NOX4: variants seen among roughly 807,000 people sequenced by gnomAD.
NOX4 encodes the protein NADPH oxidase 4, also known as kidney oxidase-1.
NOX4 carries 69 observed loss-of-function variants against 87.6 expected under a neutral mutation model. The observed-to-expected ratio is 0.79, with a 90% CI of 0.65 to 0.96. NOX4 has a LOEUF of 0.96. NOX4 is among the 40% of genes least tolerant of loss of function. The pLI, the probability that NOX4 is intolerant of heterozygous loss-of-function variation, is 0.00. For missense variants in NOX4, 680 were observed against 681.5 expected (o/e 1.00, Z 0.02); for synonymous variants, 275 against 238.2 (o/e 1.15, Z -1.42).
the NOX4 span, chr11:89,548,426 A>G: frequency 1.3e-5 from 2 of 152,190 alleles, no homozygotes; most frequent in Non-Finnish European, 2.9e-5. Flanking sequence ...GTGAGAAATA[A>G]ATTTCTATCA....
the NOX4 span, among the ~76,000 whole-genome samples, chr11:89,568,572 G>A: frequency 2.1e-4 from 32 of 152,158 alleles, no homozygotes; most frequent in African/African-American, 7.7e-4. Context: ...GTCATCTGTA[G>A]GAAGAATCAA....
At chr11:89,587,808 G>A in the NOX4 span, among the ~76,000 whole-genome samples, 1 of 151,950 alleles carries the variant, frequency 6.6e-6, no homozygotes, top group Non-Finnish European at 1.5e-5. Flanking sequence ...TTTGTTTTTA[G>A]AATGTTTTTG....
chr11:89,452,718 A>AT (rs1945019606), intron 2 of NOX4, among the ~76,000 whole-genome samples: 1 of 151,978 alleles, frequency 6.6e-6, no homozygotes, highest in Non-Finnish European at 1.5e-5. Context: ...ATTTATATTT[A>AT]TTTTTTAATT....
chr11:89,370,977 T>G (rs1287175025), intron 12 of NOX4, among the ~76,000 whole-genome samples: 1 of 152,070 alleles, frequency 6.6e-6, no homozygotes, highest in African/African-American at 2.4e-5. Context: ...AAAAGTCATA[T>G]TAAATATCTC....
chr11:89,488,674 C>T (rs560089729), intron 2 of NOX4, among the ~76,000 whole-genome samples: 23 of 151,968 alleles, frequency 1.5e-4, no homozygotes, highest in Non-Finnish European at 2.2e-4. Flanking sequence ...ATACAAATAC[C>T]TCGTGATCCA....
At chr11:89,337,828 C>T (rs573006705) in intron 15 of NOX4, among the ~76,000 whole-genome samples, 48 of 152,108 alleles carry the variant, frequency 3.2e-4, no homozygotes, top group African/African-American at 9.6e-4. Flanking sequence ...CTGAAATACT[C>T]CTTATTTTAT....
chr11:89,363,271 T>C (rs1174185164), intron 12 of NOX4, among the ~76,000 whole-genome samples: 2 of 152,088 alleles, frequency 1.3e-5, no homozygotes, highest in Admixed American at 1.3e-4. Context: ...ATTTTTGCTC[T>C]GTTACATATA....
chr11:89,537,836 C>T, the NOX4 span, among the ~76,000 whole-genome samples: 3 of 152,096 alleles, frequency 2.0e-5, no homozygotes, highest in Admixed American at 6.6e-5. Flanking sequence ...CAAGCACATA[C>T]GACATAAAAG....
At chr11:89,570,049 A>G in the NOX4 span, among the ~76,000 whole-genome samples, 2 of 152,056 alleles carry the variant, frequency 1.3e-5, no homozygotes, top group Non-Finnish European at 2.9e-5. Context: ...TGCCAGAAAG[A>G]CACATTAATG....
At chr11:89,536,438 G>A in the NOX4 span, among the ~76,000 whole-genome samples, 2 of 152,068 alleles carry the variant, frequency 1.3e-5, no homozygotes, top group East Asian at 3.9e-4. Context: ...GAGCCACCTT[G>A]CCCAGCGATC....
At chr11:89,548,793 T>C in the NOX4 span, 1 of 152,224 alleles carries the variant, frequency 6.6e-6, no homozygotes, top group Non-Finnish European at 1.5e-5. Context: ...AAATGGTATC[T>C]GCACTAGAGA....
intron 8 of NOX4, among the ~76,000 whole-genome samples, chr11:89,418,644 TC>T (rs1270513797): frequency 6.6e-6 from 1 of 151,774 alleles, no homozygotes; most frequent in Non-Finnish European, 1.5e-5. Flanking sequence ...TTCCATGGCC[TC>T]CAGAATCACA....
At chr11:89,400,902 G>C (rs1420574997) in intron 9 of NOX4, among the ~76,000 whole-genome samples, 15 of 151,416 alleles carry the variant, frequency 9.9e-5, no homozygotes, top group Admixed American at 9.3e-4. Flanking sequence ...GATGCAATAT[G>C]CTAGGCATGT....
At chr11:89,443,366 T>G (rs1391474690) in intron 5 of NOX4, 1 of 150,516 alleles carries the variant, frequency 6.6e-6, no homozygotes, top group Non-Finnish European at 1.5e-5. Context: ...AGTTAATAAG[T>G]CACTACCAAA....
At chr11:89,513,523 C>G in the NOX4 span, among the ~76,000 whole-genome samples, 3 of 151,902 alleles carry the variant, frequency 2.0e-5, no homozygotes, top group African/African-American at 7.2e-5. Context: ...ATTTTTCAAA[C>G]ATAAGCAAAA....
At chr11:89,436,660 C>A (rs1472875615) in intron 6 of NOX4, among the ~76,000 whole-genome samples, 2 of 151,862 alleles carry the variant, frequency 1.3e-5, no homozygotes, top group Non-Finnish European at 2.9e-5. Flanking sequence ...CAGAAATATA[C>A]CATTATCTAT....
At chr11:89,574,003 A>G in the NOX4 span, among the ~76,000 whole-genome samples, 1 of 152,170 alleles carries the variant, frequency 6.6e-6, no homozygotes, top group African/African-American at 2.4e-5. Flanking sequence ...CTTAATGCAT[A>G]TGCCTGGGAA....
chr11:89,334,534 G>A (rs1274686212), intron 17 of NOX4, among the ~76,000 whole-genome samples: 2 of 151,624 alleles, frequency 1.3e-5, no homozygotes, highest in Non-Finnish European at 1.5e-5. Flanking sequence ...TAGAGATAGG[G>A]ATCATCTTGA....
At chr11:89,399,874 T>C in intron 11 of NOX4, 143 bp downstream of exon 11, 1 of 572,868 alleles carries the variant, frequency 1.7e-6, no homozygotes, top group South Asian at 2.6e-5. Flanking sequence ...AGATAACTAT[T>C]TTCCTTGTAA....
Sources: allele counts gnomAD v4.1 joint callset (sites outside exome capture counted in the v4.1 genomes callset), GRCh38; gene constraint gnomAD v4.1.1; transcripts MANE v1.5; gene names NCBI Gene and HGNC (gene_info 2026-07-23, HGNC 2026-07-21).